Variants in HEATR5B observed in about 807,000 individuals in gnomAD.
The protein encoded by HEATR5B is HEAT repeat containing 5B, also known as HEAT repeat-containing protein 5B.
Under a neutral mutation model 224.1 loss-of-function variants are expected in HEATR5B, and 156 were observed. That is an observed-to-expected ratio of 0.70 (90% CI 0.61 to 0.80). HEATR5B has a LOEUF of 0.80. HEATR5B is among the 30% of genes least tolerant of loss of function. The pLI is 0.00. For missense variants in HEATR5B, 2,323 were observed against 2,535.5 expected, an observed-to-expected ratio of 0.92 and a Z score of 1.80; for synonymous variants, 1,027 against 893.0, an observed-to-expected ratio of 1.15 and a Z score of -2.68.
intron 25 of HEATR5B, 117 bp from the exon 26 acceptor site, chr2:37,019,994 C>G: frequency 1.5e-6 from 1 of 648,444 alleles, no homozygotes; most frequent in South Asian, 1.8e-5. Flanking sequence ...ACCTCTGCCT[C>G]GTAGGCTCAA....
At chr2:37,047,937 G>T (rs1199871786) in intron 18 of HEATR5B, among the ~76,000 whole-genome samples, 1 of 152,110 alleles carries the variant, frequency 6.6e-6, no homozygotes, top group Non-Finnish European at 1.5e-5. Flanking sequence ...GAATTAAAAT[G>T]CTGCCAAATA....
At position 37,061,953 on chromosome 2, in the gene HEATR5B, G is replaced by T. The variant is rs1671305451; in HGVS notation, c.1682C>A (p.Ala561Glu). 2 of 1,610,090 alleles carry T rather than the reference G, an allele frequency of 1.2e-6. No homozygotes were observed. Among genetic ancestry groups the T allele is most frequent in the Non-Finnish European group, 1.7e-6 (2 of 1,176,566 alleles). The change falls in exon 11 of 36, where the codon GCA becomes GAA. Residue 561 changes from alanine to glutamate, a missense_variant. This residue lies in a region of HEATR5B where 502 missense variants were observed against 517.8 expected (regional missense o/e 0.97). Coordinates refer to ENST00000233099, the MANE Select transcript of HEATR5B (RefSeq NM_019024.3). The part of the protein sequence containing the change: ...RTQAGWLLLG[A>E]LMTLGPSVVR... The stretch of plus-strand genomic sequence containing the variant: ...TATAATTATACCTAAAGTCATAAGT[G>T]CTCCAAGTAAAAGCCAGCCAGCTTG...
At position 37,056,482 on chromosome 2, in the gene HEATR5B, G is replaced by A. The variant is rs779760886; in HGVS notation, c.2357C>T (p.Ala786Val). 6.2e-7 allele frequency: 1 copy of A among 1,612,224 alleles called. No homozygotes were observed. The highest frequency in any genetic ancestry group is 8.5e-7 in the Non-Finnish European group (1 of 1,179,096). Reference protein sequence around the residue: ...LGVSVIDASVALFGVVFPHVS... With the variant: ...LGVSVIDASVVLFGVVFPHVS... The stretch of plus-strand genomic sequence containing the variant: ...ATGAGGAAACACTACACCAAAAAGG[G>A]CCACAGAAGCATCAATGACTGAGAC... The change falls in exon 16 of 36, where the codon GCC (alanine) becomes GTC (valine). Residue 786 changes from alanine (A) to valine (V), a missense_variant. Transcript: ENST00000233099.
At chr2:37,019,517 C>T (rs192202840) in intron 26 of HEATR5B, among the ~76,000 whole-genome samples, 4 of 149,162 alleles carry the variant, frequency 2.7e-5, no homozygotes, top group South Asian at 2.1e-4. Context: ...AGTACAGTGG[C>T]GAAATCTTGG....
intron 17 of HEATR5B, among the ~76,000 whole-genome samples, chr2:37,050,490 T>C (rs949912050): frequency 2.6e-5 from 4 of 152,318 alleles, no homozygotes; most frequent in African/African-American, 7.2e-5. Flanking sequence ...ATTTAACTGA[T>C]TGAAATTTAT....
intron 21 of HEATR5B, among the ~76,000 whole-genome samples, chr2:37,034,288 G>A (rs1402471267): frequency 1.3e-5 from 2 of 149,138 alleles, no homozygotes; most frequent in Admixed American, 1.3e-4. Context: ...TTACAGGCGT[G>A]AGCCACCGCA....
chr2:37,037,831 T>C (rs771957110), intron 21 of HEATR5B, 24 bp downstream of exon 21: 17 of 1,433,658 alleles, frequency 1.2e-5, no homozygotes, highest in East Asian at 5.0e-5. Context: ...TAAAAATCAA[T>C]GAATGAAATA....
rs1208435239 is a variant in HEATR5B at position 36,984,200 on chromosome 2, C to CAAAAAAAAAAAAAAAAAA, written c.5912-2407_5912-2406insTTTTTTTTTTTTTTTTTT. 1.3e-3 allele frequency among the ~76,000 whole-genome samples: 37 copies of CAAAAAAAAAAAAAAAAAA among 28,946 alleles called. 1 individual carries two copies. Among genetic ancestry groups the CAAAAAAAAAAAAAAAAAA allele is most frequent in the Non-Finnish European group, 1.9e-3 (29 of 15,426 alleles). 19.0% of individuals were successfully genotyped at this position (28,946 alleles called of 152,430 possible). On this transcript the variant is annotated intron_variant, in intron 35 of 35. Transcript: ENST00000233099. Reference sequence around the variant, plus strand: ...GGGCAACAAGAGTGAAACTCTGTCTCAAAAAAAAAAAAAAAATATATATAT... The same window carrying CAAAAAAAAAAAAAAAAAA: ...GGGCAACAAGAGTGAAACTCTGTCTCAAAAAAAAAAAAAAAAAAAAAAAAAAAAAAAAAATATATATAT...
chr2:37,067,958 A>G (rs1326733541), intron 8 of HEATR5B, among the ~76,000 whole-genome samples: 1 of 152,184 alleles, frequency 6.6e-6, no homozygotes, highest in Non-Finnish European at 1.5e-5. Context: ...ATTAGTCAAT[A>G]TAATTTCCCT....
At chr2:37,063,016 T>C (rs1671376862) in intron 10 of HEATR5B, among the ~76,000 whole-genome samples, 1 of 152,176 alleles carries the variant, frequency 6.6e-6, no homozygotes, top group African/African-American at 2.4e-5. Context: ...CCCAGGTTGG[T>C]CTCAAACTTC....
At chr2:37,030,705 A>G (rs1055660464) in intron 22 of HEATR5B, among the ~76,000 whole-genome samples, 9 of 152,242 alleles carry the variant, frequency 5.9e-5, no homozygotes, top group African/African-American at 1.9e-4. Context: ...GAAAAATGCT[A>G]TTTTATGATT....
At chr2:37,049,616 C>T in intron 18 of HEATR5B, 37 bp downstream of exon 18, 1 of 1,529,996 alleles carries the variant, frequency 6.5e-7, no homozygotes, top group South Asian at 1.1e-5. Flanking sequence ...ACATCTTTGC[C>T]TACACATGAA....
rs1399500883 is a variant in HEATR5B, at chr2:37,068,685, G to A, written c.1173C>T (p.Ala391=). 17 of 1,613,840 alleles carry A rather than the reference G, an allele frequency of 1.1e-5. No homozygotes were observed. The highest frequency in any genetic ancestry group is 3.3e-5 in the South Asian group (3 of 91,056). The change falls in exon 8 of 36, where the codon GCC becomes GCT. Residue 391 remains alanine, a synonymous_variant. Coordinates refer to ENST00000233099, the MANE Select transcript of HEATR5B (RefSeq NM_019024.3). ...CATAATGATACTGATTCTTACCTACGGCTTTCATTTGTTTTCCAATAGCTT... is the reference window on the plus strand; with the variant it reads ...CATAATGATACTGATTCTTACCTACAGCTTTCATTTGTTTTCCAATAGCTT... The part of the protein sequence containing the change: ...ICQAIGKQMK[A]VEAVVNDTSG...
intron 26 of HEATR5B, among the ~76,000 whole-genome samples, chr2:37,017,115 G>A (rs971743745): frequency 6.6e-6 from 1 of 152,136 alleles, no homozygotes; most frequent in Admixed American, 6.6e-5. Context: ...AAAAACCTAA[G>A]TATTTTCTTC....
At chr2:37,010,787 A>G (rs1038613493) in intron 27 of HEATR5B, among the ~76,000 whole-genome samples, 1 of 152,108 alleles carries the variant, frequency 6.6e-6, no homozygotes, top group East Asian at 1.9e-4. Context: ...GTGCCCAGCC[A>G]CTAACATTTT....
chr2:36,998,600 A>G (rs1336630127), intron 33 of HEATR5B, among the ~76,000 whole-genome samples: 1 of 152,208 alleles, frequency 6.6e-6, no homozygotes, highest in Non-Finnish European at 1.5e-5. Flanking sequence ...AATTGCAGCA[A>G]TCTTTTTAAC....
At chr2:37,015,238 T>A (rs1668042090) in intron 26 of HEATR5B, among the ~76,000 whole-genome samples, 1 of 152,116 alleles carries the variant, frequency 6.6e-6, no homozygotes, top group Admixed American at 6.5e-5. Context: ...AAGGTAAAAT[T>A]TACATTCCAT....
chr2:37,014,152 T>C lies in HEATR5B; in HGVS notation c.4105-132A>G, dbSNP rs988494624. 6.5e-5 allele frequency: 29 copies of C among 443,448 alleles called. No individual in the cohort carries two copies. The Admixed American group carries it at 7.5e-4, about 11-fold the overall frequency. 27.5% of individuals were successfully genotyped at this position (443,448 alleles called of 1,614,324 possible). A position where few individuals can be genotyped will look rare whatever the true frequency, so the allele number is the denominator to read the frequency against. Reference sequence around the variant, plus strand: ...CAAAACAAAATAAACTACCCAATGCTATGCTTTGATATTATTATTATTATT... The same window carrying C: ...CAAAACAAAATAAACTACCCAATGCCATGCTTTGATATTATTATTATTATT... On this transcript the variant is annotated intron_variant, in intron 26 of 35. Transcript: ENST00000233099.
chr2:37,031,200 T>C (rs1366104182), intron 22 of HEATR5B, among the ~76,000 whole-genome samples: 1 of 152,162 alleles, frequency 6.6e-6, no homozygotes, highest in Non-Finnish European at 1.5e-5. Flanking sequence ...ACACACCTTT[T>C]ATTCCTTTTG....
Sources: allele counts gnomAD v4.1 joint callset (sites outside exome capture counted in the v4.1 genomes callset), GRCh38; gene constraint gnomAD v4.1.1; regional missense constraint gnomAD v4.1.1; transcripts MANE v1.5; gene names NCBI Gene and HGNC (gene_info 2026-07-23, HGNC 2026-07-21).